The following SYNPR variants were observed in gnomAD, a reference collection of about 807,000 sequenced individuals.
The protein encoded by SYNPR is synaptoporin.
A neutral mutation model predicts 32.9 loss-of-function variants in SYNPR; 23 were observed. The ratio of observed to expected loss-of-function variants is 0.70; its 90% CI spans 0.50 to 0.99. SYNPR has a LOEUF of 0.99. SYNPR is among the 50% of genes least tolerant of loss of function. The probability of loss-of-function intolerance (pLI) is 0.00; values close to 1 mark genes in which losing one functional copy is unlikely to be tolerated. For synonymous variants in SYNPR, 146 were observed against 135.9 expected (o/e 1.07, Z -0.52); for missense variants, 318 against 349.3 (o/e 0.91, Z 0.71).
chr3:63,279,408 C>T (rs1415965475), intron 2 of SYNPR, among the ~76,000 whole-genome samples: 1 of 152,174 alleles, frequency 6.6e-6, no homozygotes, highest in Non-Finnish European at 1.5e-5. Context: ...GCCTGTTTGC[C>T]ATGGCTTTCT....
Position 63,443,057 on chromosome 3 carries a change from G to T in SYNPR, c.85-37775G>T, listed in dbSNP as rs1322484114. On this transcript the variant is annotated intron_variant, in intron 2 of 5. Coordinates refer to ENST00000478300, the MANE Select transcript of SYNPR (RefSeq NM_001130003.2). Reference sequence around the variant, plus strand: ...TAAAGGGGAGATGGTGCCTCTGTTGGTGATGCAGCCTGCTCGTGCAAAGCA... The same window carrying T: ...TAAAGGGGAGATGGTGCCTCTGTTGTTGATGCAGCCTGCTCGTGCAAAGCA... 4.0e-6 allele frequency: 4 copies of T among 1,011,312 alleles called. No homozygotes were observed. The East Asian group carries it at 3.8e-4, about 96-fold the overall frequency. The allele number at this position is 1,011,312 out of a possible 1,614,324, so 62.6% of individuals were successfully genotyped here.
At chr3:63,562,272 A>G (rs1702704285) in intron 4 of SYNPR, among the ~76,000 whole-genome samples, 1 of 152,224 alleles carries the variant, frequency 6.6e-6, no homozygotes, top group Non-Finnish European at 1.5e-5. Context: ...AATGTAAAGC[A>G]GATTTTTAAA....
At chr3:63,381,454 A>G (rs1435132559) in intron 2 of SYNPR, among the ~76,000 whole-genome samples, 1 of 152,242 alleles carries the variant, frequency 6.6e-6, no homozygotes, top group Non-Finnish European at 1.5e-5. Flanking sequence ...GGAAGAATCA[A>G]TATCGTGAAA....
At chr3:63,448,613 AT>A (rs199553562) in intron 2 of SYNPR, among the ~76,000 whole-genome samples, 5 of 151,438 alleles carry the variant, frequency 3.3e-5, no homozygotes, top group African/African-American at 7.3e-5. Flanking sequence ...GAGGAAAAAC[AT>A]TTTTTTTTAA....
chr3:63,435,680 A>G (rs1335990499), intron 2 of SYNPR, among the ~76,000 whole-genome samples: 1 of 152,186 alleles, frequency 6.6e-6, no homozygotes, highest in Admixed American at 6.5e-5. Flanking sequence ...ATTAAATATT[A>G]TGCCTGTAAT....
chr3:63,499,906 C>CAT (rs1491358770), intron 3 of SYNPR, among the ~76,000 whole-genome samples: 2 of 79,148 alleles, frequency 2.5e-5, no homozygotes, highest in African/African-American at 1.6e-4. Flanking sequence ...AAAAGATAAT[C>CAT]ACACACACAC....
At chr3:63,285,369 C>T (rs1245496713) in intron 2 of SYNPR, among the ~76,000 whole-genome samples, 1 of 119,040 alleles carries the variant, frequency 8.4e-6, no homozygotes, top group African/African-American at 3.2e-5. Flanking sequence ...ATCTTTTCCT[C>T]TTTTGTTAAA....
At chr3:63,270,900 TCTTTCC>T (rs1471253899) in intron 3 of SYNPR, among the ~76,000 whole-genome samples, 3,692 of 59,852 alleles carry the variant, frequency 0.062, 170 homozygotes, top group African/African-American at 0.19. Context: ...TCCTTCCTTT[TCTTTCC>T]TTCCTTCCTT....
In SYNPR at chr3:63,552,708, A is replaced by AT. The variant is rs1553646296; in HGVS notation, c.210-3835_210-3834insT. On this transcript the variant is annotated intron_variant, in intron 3 of 5. Coordinates refer to ENST00000478300, the MANE Select transcript of SYNPR (RefSeq NM_001130003.2). Reference sequence around the variant, plus strand: ...AGTGGTCCATGAGCTTCACTTTAAAAATATATATATCCTAGTTAATGTCCT... The same window carrying AT: ...AGTGGTCCATGAGCTTCACTTTAAAATATATATATATCCTAGTTAATGTCCT... Among the ~76,000 whole-genome samples the AT allele has an allele frequency of 3.3e-5, 5 of 152,246 alleles. No homozygotes were observed. In the South Asian group the frequency reaches 8.3e-4, roughly 25 times the overall value.
chr3:63,249,769 G>A (rs568261541), intron 1 of SYNPR, among the ~76,000 whole-genome samples: 13 of 152,172 alleles, frequency 8.5e-5, no homozygotes, highest in Admixed American at 1.3e-4. Context: ...ACATATATAC[G>A]TGTAATAAGG....
At chr3:63,397,188 A>G (rs1035327710) in intron 2 of SYNPR, among the ~76,000 whole-genome samples, 1 of 152,100 alleles carries the variant, frequency 6.6e-6, no homozygotes, top group Non-Finnish European at 1.5e-5. Flanking sequence ...GTAGGGAGGC[A>G]GAGAAGAGAA....
rs533862244 is a variant in SYNPR at position 63,229,379 on chromosome 3, G to A, written n.66+999G>A. On this transcript the variant is annotated intron_variant and non_coding_transcript_variant, in intron 1 of 4. Transcript: ENST00000478456. ...TTTACTTTTTTGGATGCATGAGACC[G>A]TTAGGATGATTGTGGCTCTTCTGTG... Among the ~76,000 whole-genome samples, 20 of 152,228 alleles carry A rather than the reference G, an allele frequency of 1.3e-4. No homozygotes were observed. In the East Asian group the frequency reaches 2.1e-3, roughly 16 times the overall value.
chr3:63,557,343 G>A (rs1257400174), intron 4 of SYNPR, among the ~76,000 whole-genome samples: 1 of 152,080 alleles, frequency 6.6e-6, no homozygotes, highest in East Asian at 1.9e-4. Context: ...ATGTGCATTT[G>A]CCCAAACTCT....
chr3:63,270,859 C>A (rs2086527885), intron 3 of SYNPR, among the ~76,000 whole-genome samples: 1 of 69,472 alleles, frequency 1.4e-5, no homozygotes, highest in African/African-American at 4.7e-5. Context: ...TCTCTCCCTT[C>A]TTTCCTTCCT....
rs559795761 is a variant in SYNPR, at chr3:63,472,058, T to G, written c.85-8774T>G. On this transcript the variant is annotated intron_variant, in intron 2 of 5. Coordinates refer to ENST00000478300, the MANE Select transcript of SYNPR (RefSeq NM_001130003.2). ...AGGCTTGGGTGTTGCTGAGGCACAGTACGTGAGCTACCACCTGCAGCAATG... is the reference window on the plus strand; with the variant it reads ...AGGCTTGGGTGTTGCTGAGGCACAGGACGTGAGCTACCACCTGCAGCAATG... 2.0e-5 allele frequency among the ~76,000 whole-genome samples: 3 copies of G among 152,344 alleles called. No homozygotes were observed. In the East Asian group the frequency reaches 5.8e-4, roughly 29 times the overall value.
intron 4 of SYNPR, among the ~76,000 whole-genome samples, chr3:63,567,682 G>C (rs1702815373): frequency 6.6e-6 from 1 of 152,170 alleles, no homozygotes; most frequent in South Asian, 2.1e-4. Context: ...CCTAATCAAA[G>C]TTACAGATGC....
chr3:63,227,012 A>C (rs919743322), upstream of SYNPR, among the ~76,000 whole-genome samples: 4 of 152,228 alleles, frequency 2.6e-5, no homozygotes, highest in Non-Finnish European at 5.9e-5. Flanking sequence ...CAATAAAAGA[A>C]AAAATCAAAA....
rs545697093 is a variant in SYNPR at position 63,282,223 on chromosome 3, G to A, written c.84+3481G>A. On this transcript the variant is annotated intron_variant, in intron 2 of 5. Transcript: ENST00000478300. The stretch of plus-strand genomic sequence containing the variant: ...AAACTATTTTCACATCATCTTGTAA[G>A]TTAAGTGATATCAAACATAAAAGAC... Among the ~76,000 whole-genome samples, 10 of 152,228 alleles carry A rather than the reference G, an allele frequency of 6.6e-5. No homozygotes were observed. In the South Asian group the frequency reaches 2.1e-3, roughly 32 times the overall value.
chr3:63,375,937 T>C (rs2087889571), intron 2 of SYNPR, among the ~76,000 whole-genome samples: 1 of 152,162 alleles, frequency 6.6e-6, no homozygotes, highest in Admixed American at 6.6e-5. Context: ...CTTTCCACCT[T>C]AAAACCTGCT....
Sources: allele counts gnomAD v4.1 joint callset (sites outside exome capture counted in the v4.1 genomes callset), GRCh38; gene constraint gnomAD v4.1.1; transcripts MANE v1.5; gene names NCBI Gene and HGNC (gene_info 2026-07-23, HGNC 2026-07-21).